The following DMD variants were observed in gnomAD, a reference collection of about 807,000 sequenced individuals.
DMD encodes dystrophin.
DMD carries 63 observed loss-of-function variants against 330.1 expected under a neutral mutation model. The ratio of observed to expected loss-of-function variants is 0.19; its 90% CI spans 0.16 to 0.24. DMD has a LOEUF of 0.24. Ranked by LOEUF, DMD falls within the 10% of genes least tolerant of loss-of-function variation. DMD has a pLI of 1.00. For synonymous variants in DMD, 1,223 were observed against 959.8 expected, an observed-to-expected ratio of 1.27 and a Z score of -5.07; for missense variants, 3,344 against 2,684.1, an observed-to-expected ratio of 1.25 and a Z score of -5.43.
chrX:32,952,179 G>T (rs1205829163), intron 2 of DMD, among the ~76,000 whole-genome samples: 1 of 109,071 alleles, frequency 9.2e-6, no homozygotes, highest in Non-Finnish European at 1.9e-5. Flanking sequence ...TGTCGCCCAG[G>T]CTGGAGTGCA....
chrX:31,342,388 A>G (rs2057824990), intron 61 of DMD, among the ~76,000 whole-genome samples: 1 of 112,087 alleles, frequency 8.9e-6, no homozygotes, highest in African/African-American at 3.2e-5. Context: ...TGCCTGAAAA[A>G]GGCTTCCACA....
intron 51 of DMD, among the ~76,000 whole-genome samples, chrX:31,747,555 C>G (rs1475570446): frequency 2.7e-5 from 3 of 111,403 alleles, no homozygotes; most frequent in Non-Finnish European, 3.8e-5. Flanking sequence ...GTATATCACA[C>G]ACTTGCACTG....
chrX:32,885,826 G>GAA (rs2084476756), intron 2 of DMD, among the ~76,000 whole-genome samples: 4 of 22,128 alleles, frequency 1.8e-4, no homozygotes, highest in African/African-American at 4.9e-4. Flanking sequence ...CCCTTGAGGG[G>GAA]GAAAAAAAAA....
At chrX:32,548,320 A>G (rs957450565) in intron 16 of DMD, among the ~76,000 whole-genome samples, 3 of 112,042 alleles carry the variant, frequency 2.7e-5, no homozygotes, top group African/African-American at 9.7e-5. Context: ...TACATACACC[A>G]AACATACAGT....
At chrX:32,822,704 TACAC>T (rs757600776) in intron 5 of DMD, among the ~76,000 whole-genome samples, 1 of 108,499 alleles carries the variant, frequency 9.2e-6, no homozygotes, top group Non-Finnish European at 1.9e-5. Flanking sequence ...GCATATATAC[TACAC>T]ACACACACAC....
intron 13 of DMD, among the ~76,000 whole-genome samples, chrX:32,584,735 C>T (rs2054034586): frequency 8.9e-6 from 1 of 111,971 alleles, no homozygotes; most frequent in Admixed American, 9.5e-5. Flanking sequence ...AGCATTATAA[C>T]TCAAGATACA....
chrX:31,883,084 C>T (rs1201032230), intron 47 of DMD, among the ~76,000 whole-genome samples: 1 of 111,768 alleles, frequency 8.9e-6, no homozygotes, highest in Non-Finnish European at 1.9e-5. Flanking sequence ...CATTGATTAG[C>T]AGAATGGATA....
intron 1 of DMD, among the ~76,000 whole-genome samples, chrX:33,025,022 A>G (rs1295919678): frequency 1.8e-5 from 2 of 112,309 alleles, no homozygotes; most frequent in Admixed American, 9.5e-5. Flanking sequence ...AGTCTGGGAG[A>G]GCTCTTAGCC....
chrX:31,384,540 A>C (rs1362409320), intron 60 of DMD, among the ~76,000 whole-genome samples: 3 of 111,838 alleles, frequency 2.7e-5, no homozygotes, highest in Non-Finnish European at 5.6e-5. Flanking sequence ...GTTGTTTTTG[A>C]GGAAAGAAAT....
intron 12 of DMD, among the ~76,000 whole-genome samples, chrX:32,598,771 CA>C (rs1462127400): frequency 1.8e-5 from 2 of 111,600 alleles, no homozygotes; most frequent in African/African-American, 6.5e-5. Flanking sequence ...GCATTCTTGC[CA>C]TATTGATCAA....
chrX:32,677,663 T>C (rs1402910599), intron 9 of DMD, among the ~76,000 whole-genome samples: 1 of 111,643 alleles, frequency 9.0e-6, no homozygotes, highest in African/African-American at 3.2e-5. Context: ...GATTAAAAAA[T>C]AATATTTACA....
intron 41 of DMD, among the ~76,000 whole-genome samples, chrX:32,336,362 AC>A (rs1173799271): frequency 1.8e-5 from 2 of 111,759 alleles, no homozygotes; most frequent in Admixed American, 1.9e-4. Context: ...TAATCTACAA[AC>A]AAGGTTAATT....
chrX:32,568,736 G>T (rs2149110006), intron 15 of DMD, among the ~76,000 whole-genome samples: 1 of 110,524 alleles, frequency 9.0e-6, no homozygotes, highest in African/African-American at 3.3e-5. Context: ...TCTTTCAGTA[G>T]TCATCTCCCA....
intron 4 of DMD, among the ~76,000 whole-genome samples, chrX:32,843,577 C>A: frequency 8.9e-6 from 1 of 112,150 alleles, no homozygotes; most frequent in Non-Finnish European, 1.9e-5. Context: ...GCCAGATAAG[C>A]TGAGCAACAT....
chrX:31,434,635 TCAAA>T (rs1275141401), intron 60 of DMD, among the ~76,000 whole-genome samples: 3 of 111,554 alleles, frequency 2.7e-5, no homozygotes, highest in Non-Finnish European at 3.8e-5. Context: ...CCCTATCATC[TCAAA>T]CAGAGTTTGG....
chrX:32,394,908 C>CAAAAACAAAAACAAAACAAAACA (rs1557326692), intron 30 of DMD, among the ~76,000 whole-genome samples: 4 of 37,130 alleles, frequency 1.1e-4, no homozygotes, highest in African/African-American at 9.9e-5. Context: ...GAGCAAAAAA[C>CAAAAACAAAAACAAAACAAAACA]AAAAAAACAA....
intron 76 of DMD, among the ~76,000 whole-genome samples, chrX:31,139,867 G>A (rs1005965592): frequency 8.9e-6 from 1 of 111,738 alleles, no homozygotes; most frequent in Non-Finnish European, 1.9e-5. Context: ...ATAATAAAAA[G>A]AGAAAAATAA....
intron 2 of DMD, among the ~76,000 whole-genome samples, chrX:32,874,511 TCTC>T (rs2149163216): frequency 9.0e-6 from 1 of 111,300 alleles, no homozygotes; most frequent in South Asian, 3.8e-4. Flanking sequence ...ACTGACACAC[TCTC>T]CTCCTGTGAG....
intron 59 of DMD, among the ~76,000 whole-genome samples, chrX:31,452,648 TA>T (rs754222877): frequency 1.8e-5 from 2 of 112,286 alleles, no homozygotes; most frequent in African/African-American, 6.5e-5. Flanking sequence ...TACCCAAACA[TA>T]AAAGGATAAC....
Sources: allele counts gnomAD v4.1 joint callset (sites outside exome capture counted in the v4.1 genomes callset), GRCh38; gene constraint gnomAD v4.1.1; transcripts MANE v1.5; gene names NCBI Gene and HGNC (gene_info 2026-07-23, HGNC 2026-07-21).